Variants in TRIM16 observed in about 807,000 individuals in gnomAD.
The protein encoded by TRIM16 is tripartite motif containing 16, also known as tripartite motif-containing protein 16.
A neutral mutation model predicts 50.4 loss-of-function variants in TRIM16; 33 were observed. The observed-to-expected ratio is 0.65, with a 90% CI of 0.50 to 0.88. The LOEUF is 0.88. Ranked by LOEUF, TRIM16 falls within the 40% of genes least tolerant of loss-of-function variation. TRIM16 has a pLI of 0.00. For synonymous variants in TRIM16, 229 were observed against 270.7 expected (o/e 0.85, Z 1.51); for missense variants, 581 against 686.8 (o/e 0.85, Z 1.72).
At chr17:15,663,290 C>A (rs1337068142) in intron 6 of TRIM16, among the ~76,000 whole-genome samples, 1 of 152,286 alleles carries the variant, frequency 6.6e-6, no homozygotes, top group South Asian at 2.1e-4. Context: ...TTCATTCATT[C>A]ATTATTTATT....
At position 15,629,002 on chromosome 17, in the gene TRIM16, G is replaced by A. The variant is rs146120228; in HGVS notation, c.1308C>T (p.Phe436=). 2.5e-5 allele frequency: 40 copies of A among 1,613,538 alleles called. No individual in the cohort carries two copies. Among genetic ancestry groups the A allele is most frequent in the Non-Finnish European group, 3.1e-5 (36 of 1,179,906 alleles). Residue 436 remains phenylalanine (F), a synonymous_variant, in exon 12 of 12, where the codon TTC becomes TTT. Transcript: ENST00000649191. ...TCAGGCCAACATAGGTGCCTGCCCC[G>A]AAGATCTCCACCTCAAAATAGTACC... is the stretch of plus-strand genomic sequence containing the variant. ...LHRYYFEVEI[F]GAGTYVGLTC...
intron 6 of TRIM16, among the ~76,000 whole-genome samples, chr17:15,665,278 T>C (rs11871250): frequency 0.025 from 3,877 of 152,136 alleles, 143 homozygotes; most frequent in African/African-American, 0.088. Context: ...TTTGGGAGGC[T>C]GCGGCGGGCA....
chr17:15,635,308 T>C (rs1320027297), intron 9 of TRIM16, among the ~76,000 whole-genome samples: 3 of 148,726 alleles, frequency 2.0e-5, no homozygotes, highest in Non-Finnish European at 4.5e-5. Context: ...ATTCAGGATG[T>C]TGCAGTTTAC....
intron 6 of TRIM16, among the ~76,000 whole-genome samples, chr17:15,667,402 T>G (rs1988543317): frequency 6.6e-6 from 1 of 152,210 alleles, no homozygotes; most frequent in South Asian, 2.1e-4. Flanking sequence ...ACAGTAAAAA[T>G]TATTAATTTC....
At chr17:15,658,893 G>A (rs1988092234) in intron 6 of TRIM16, 1 of 984,894 alleles carries the variant, frequency 1.0e-6, no homozygotes, top group Non-Finnish European at 1.2e-6. Flanking sequence ...GAAGAAGATG[G>A]CCTCTTGGAT....
intron 6 of TRIM16, among the ~76,000 whole-genome samples, chr17:15,666,054 C>T (rs1988485604): frequency 6.6e-6 from 1 of 152,114 alleles, no homozygotes; most frequent in Admixed American, 6.5e-5. Flanking sequence ...CATACCATCA[C>T]CATTTTACAT....
At chr17:15,643,185 T>C (rs1987196509) in intron 7 of TRIM16, 2 of 469,328 alleles carry the variant, frequency 4.3e-6, no homozygotes, top group Admixed American at 5.0e-5. Context: ...CATTCCAAAG[T>C]TAACCTGAAA....
intron 8 of TRIM16, among the ~76,000 whole-genome samples, chr17:15,641,285 A>T (rs2323797): frequency 1.1e-4 from 17 of 148,992 alleles, no homozygotes; most frequent in African/African-American, 4.2e-4. Context: ...TCAAGGAGCC[A>T]GCAGGTAATG....
At chr17:15,630,124 GA>G (rs199544041) in intron 11 of TRIM16, among the ~76,000 whole-genome samples, 1 of 152,116 alleles carries the variant, frequency 6.6e-6, no homozygotes, top group East Asian at 1.9e-4. Flanking sequence ...TCTCTCCCTT[GA>G]TTACTACATT....
At chr17:15,683,364 G>A in intron 1 of TRIM16, 1 of 459,486 alleles carries the variant, frequency 2.2e-6, no homozygotes. Flanking sequence ...GCCCTGCAGA[G>A]TCAGACACTG....
intron 6 of TRIM16, among the ~76,000 whole-genome samples, chr17:15,658,433 G>C (rs1472188298): frequency 6.6e-6 from 1 of 152,134 alleles, no homozygotes; most frequent in East Asian, 1.9e-4. Flanking sequence ...TGTCTCTGCT[G>C]AGTCACACAG....
chr17:15,676,954 C>T (rs1287080772), intron 6 of TRIM16, among the ~76,000 whole-genome samples: 15 of 152,116 alleles, frequency 9.9e-5, no homozygotes, highest in Non-Finnish European at 1.8e-4. Context: ...GGATGAGGCA[C>T]AAAGCTGATC....
At chr17:15,650,762 C>T (rs1157431790) in intron 7 of TRIM16, among the ~76,000 whole-genome samples, 5 of 152,176 alleles carry the variant, frequency 3.3e-5, no homozygotes, top group Admixed American at 2.6e-4. Context: ...GCCCCCACAA[C>T]TTCTGCACCC....
intron 8 of TRIM16, among the ~76,000 whole-genome samples, chr17:15,637,155 A>G (rs1167547715): frequency 2.4e-4 from 20 of 84,856 alleles, no homozygotes; most frequent in Admixed American, 4.7e-4. Context: ...CAGCCGCCCC[A>G]TCCGGGAGGG....
At chr17:15,646,897 C>G (rs569805514) in intron 7 of TRIM16, among the ~76,000 whole-genome samples, 1 of 152,220 alleles carries the variant, frequency 6.6e-6, no homozygotes, top group East Asian at 1.9e-4. Flanking sequence ...ATACTTACAG[C>G]CTGGGAGAAT....
At chr17:15,641,750 G>T (rs556096339) in intron 8 of TRIM16, among the ~76,000 whole-genome samples, 1 of 148,304 alleles carries the variant, frequency 6.7e-6, no homozygotes, top group South Asian at 2.2e-4. Context: ...TGCATTAGGG[G>T]TAGATGAATG....
Position 15,629,182 on chromosome 17 carries a change from C to T in TRIM16, c.1128G>A (p.Thr376=), listed in dbSNP as rs751339798. 10 of 1,611,238 alleles carry T rather than the reference C, an allele frequency of 6.2e-6. No homozygotes were observed. The South Asian group carries it at 8.8e-5, about 14-fold the overall frequency. ...EQFLQYAYDI[T]FDPDTAHKYL... ...ACTTGTGTGCTGTGTCCGGGTCAAA[C>T]GTGATGTCATACGCATCTGAGGAGA... Residue 376 remains threonine (T), a synonymous_variant, in exon 12 of 12, where the codon ACG becomes ACA. Coordinates refer to ENST00000649191, the MANE Select transcript of TRIM16 (RefSeq NM_001348119.1).
intron 4 of TRIM16, among the ~76,000 whole-genome samples, chr17:15,679,854 G>A (rs1197070724): frequency 6.6e-6 from 1 of 151,634 alleles, no homozygotes; most frequent in African/African-American, 2.4e-5. Context: ...GGAGAATGGA[G>A]TGAACCTGGG....
At chr17:15,638,659 T>C (rs1986969332) in intron 8 of TRIM16, among the ~76,000 whole-genome samples, 1 of 148,868 alleles carries the variant, frequency 6.7e-6, no homozygotes, top group African/African-American at 2.5e-5. Flanking sequence ...ATAGCAGATA[T>C]CCTTGGGCAG....
Sources: allele counts gnomAD v4.1 joint callset (sites outside exome capture counted in the v4.1 genomes callset), GRCh38; gene constraint gnomAD v4.1.1; transcripts MANE v1.5; gene names NCBI Gene and HGNC (gene_info 2026-07-23, HGNC 2026-07-21).